The following MRPL13 variants were observed in gnomAD, a reference collection of about 807,000 sequenced individuals.
MRPL13 encodes the protein large ribosomal subunit protein uL13m.
Under a neutral mutation model 29.0 loss-of-function variants are expected in MRPL13, and 33 were observed. The observed-to-expected ratio is 1.14, with a 90% CI of 0.86 to 1.52. MRPL13 has a LOEUF of 1.52. MRPL13 is among the 40% of genes most tolerant of loss of function. MRPL13 has a pLI of 0.00. For synonymous variants in MRPL13, 77 were observed against 68.4 expected, an observed-to-expected ratio of 1.13 and a Z score of -0.62; for missense variants, 227 against 216.7, an observed-to-expected ratio of 1.05 and a Z score of -0.30.
At chr8:120,396,498 T>C (rs1000001753) in intron 6 of MRPL13, among the ~76,000 whole-genome samples, 1 of 152,188 alleles carries the variant, frequency 6.6e-6, no homozygotes, top group Non-Finnish European at 1.5e-5. Context: ...CATGGATTTA[T>C]AGTACAAATG....
intron 6 of MRPL13, among the ~76,000 whole-genome samples, chr8:120,400,638 A>G (rs911563330): frequency 6.6e-6 from 1 of 151,832 alleles, no homozygotes; most frequent in African/African-American, 2.4e-5. Flanking sequence ...ACTGAAGGAG[A>G]CAGAGACAAG....
intron 4 of MRPL13, among the ~76,000 whole-genome samples, chr8:120,421,993 A>C (rs1268489510): frequency 6.6e-6 from 1 of 151,702 alleles, no homozygotes; most frequent in East Asian, 1.9e-4. Flanking sequence ...TTTGACCTGT[A>C]AGGCTTAAAA....
At chr8:120,416,922 A>C (rs1003491555) in intron 5 of MRPL13, among the ~76,000 whole-genome samples, 1 of 152,212 alleles carries the variant, frequency 6.6e-6, no homozygotes, top group South Asian at 2.1e-4. Flanking sequence ...AAATTTCCCA[A>C]ATAGGTCTAA....
At chr8:120,422,655 A>C (rs1328374206) in intron 4 of MRPL13, among the ~76,000 whole-genome samples, 2 of 149,844 alleles carry the variant, frequency 1.3e-5, no homozygotes, top group African/African-American at 4.9e-5. Flanking sequence ...AGTAATTAAA[A>C]ATTTAGTTAA....
chr8:120,426,194 A>G (rs1001329628), intron 3 of MRPL13, among the ~76,000 whole-genome samples: 16 of 152,166 alleles, frequency 1.1e-4, no homozygotes, highest in Admixed American at 3.9e-4. Flanking sequence ...CTATTTTCCT[A>G]AACAGATGAA....
chr8:120,412,402 G>C (rs1181259314), intron 6 of MRPL13, among the ~76,000 whole-genome samples: 1 of 152,148 alleles, frequency 6.6e-6, no homozygotes, highest in Non-Finnish European at 1.5e-5. Context: ...TAAAAACTTA[G>C]TCAACACTTC....
chr8:120,410,913 T>G (rs1165108653), intron 6 of MRPL13, among the ~76,000 whole-genome samples: 3 of 152,132 alleles, frequency 2.0e-5, no homozygotes, highest in Non-Finnish European at 4.4e-5. Flanking sequence ...TAGCTGGGAT[T>G]ACAGGTGCCC....
At chr8:120,428,695 A>G (rs1034457569) in intron 3 of MRPL13, among the ~76,000 whole-genome samples, 1 of 152,236 alleles carries the variant, frequency 6.6e-6, no homozygotes, top group African/African-American at 2.4e-5. Flanking sequence ...TACCCTTTCC[A>G]AAAGAAGACG....
In MRPL13 at chr8:120,402,964, A is replaced by T. The variant is rs55752091; in HGVS notation, c.516-6839T>A. On this transcript the variant is annotated intron_variant, in intron 6 of 6. Coordinates refer to ENST00000306185, the MANE Select transcript of MRPL13 (RefSeq NM_014078.6). The stretch of plus-strand genomic sequence containing the variant: ...CACAACTGAGATACCATCTCATGCC[A>T]GTCAGAATGGAAATTATTAAAAAGT... Among the ~76,000 whole-genome samples, 708 of 152,330 alleles carry T rather than the reference A, an allele frequency of 4.6e-3. 8 individuals carry two copies. Among genetic ancestry groups the T allele is most frequent in the Middle Eastern group, 0.01 (3 of 294 alleles).
At chr8:120,433,617 T>C (rs1447913421) in intron 2 of MRPL13, among the ~76,000 whole-genome samples, 5 of 152,092 alleles carry the variant, frequency 3.3e-5, no homozygotes, top group Admixed American at 6.6e-5. Context: ...AGTTCTAAGG[T>C]ATCACATCTA....
At chr8:120,425,801 C>T (rs942235231) in intron 3 of MRPL13, among the ~76,000 whole-genome samples, 16 of 152,116 alleles carry the variant, frequency 1.1e-4, no homozygotes, top group Admixed American at 6.6e-4. Context: ...ATACTCTAGA[C>T]AGCCAGTAAT....
chr8:120,396,283 T>C (rs969900114), intron 6 of MRPL13, among the ~76,000 whole-genome samples, 158 bp from the exon 7 acceptor site: 1 of 152,078 alleles, frequency 6.6e-6, no homozygotes, highest in African/African-American at 2.4e-5. Flanking sequence ...AACATTAACA[T>C]CAAATCTTTA....
chr8:120,439,393 T>C lies in MRPL13; in HGVS notation c.151+3792A>G, dbSNP rs1586929055. 2.0e-5 allele frequency among the ~76,000 whole-genome samples: 3 copies of C among 152,234 alleles called. No individual in the cohort carries two copies. In the East Asian group the frequency reaches 5.8e-4, roughly 29 times the overall value. ...TGTGTGTTAGATAAGCTTGTTATTA[T>C]ACTGCTGTTGGTCACAAGTTCAGTG... On this transcript the variant is annotated intron_variant, in intron 2 of 6. Transcript: ENST00000306185.
At chr8:120,419,962 A>G in intron 4 of MRPL13, 24 bp from the exon 5 acceptor site, 1 of 1,469,020 alleles carries the variant, frequency 6.8e-7, no homozygotes, top group Non-Finnish European at 9.2e-7. Flanking sequence ...ATAGGACACA[A>G]TAAGAAAATT....
intron 5 of MRPL13, chr8:120,415,519 T>C (rs951133468): frequency 1.3e-5 from 2 of 152,170 alleles, no homozygotes; most frequent in African/African-American, 4.8e-5. Context: ...AGCTCTACTG[T>C]CCTGTAAGCT....
chr8:120,422,532 T>A (rs532135344), intron 4 of MRPL13, among the ~76,000 whole-genome samples: 1 of 149,624 alleles, frequency 6.7e-6, no homozygotes, highest in South Asian at 2.1e-4. Context: ...GTTAAGACTT[T>A]ATGTTTCTGA....
In MRPL13 at chr8:120,412,862, C is replaced by T. The variant is rs183160245; in HGVS notation, c.515+1129G>A. Among the ~76,000 whole-genome samples the T allele has an allele frequency of 3.9e-5, 6 of 152,206 alleles. No homozygotes were observed. In the East Asian group the frequency reaches 1.2e-3, roughly 29 times the overall value. On this transcript the variant is annotated intron_variant, in intron 6 of 6. Coordinates refer to ENST00000306185, the MANE Select transcript of MRPL13 (RefSeq NM_014078.6). Reference sequence around the variant, plus strand: ...CACTCAGGCTTGAATCCTTAATATACCATTTATAACTATGTGATATTAGTC... The same window carrying T: ...CACTCAGGCTTGAATCCTTAATATATCATTTATAACTATGTGATATTAGTC...
intron 2 of MRPL13, among the ~76,000 whole-genome samples, chr8:120,434,982 C>T (rs995311252): frequency 6.6e-6 from 1 of 152,124 alleles, no homozygotes; most frequent in African/African-American, 2.4e-5. Flanking sequence ...TTACAAAAAT[C>T]CCTAGTGTTC....
chr8:120,405,490 A>C (rs921507063), intron 6 of MRPL13, among the ~76,000 whole-genome samples: 3 of 152,222 alleles, frequency 2.0e-5, no homozygotes, highest in African/African-American at 7.2e-5. Flanking sequence ...CACTTGATGC[A>C]TTGCTGGTTT....
Sources: gnomAD v4.1 joint callset for allele counts (sites outside exome capture counted in the v4.1 genomes callset) on GRCh38, gnomAD v4.1.1 for gene constraint, MANE v1.5 for transcripts, NCBI Gene and HGNC (gene_info 2026-07-23, HGNC 2026-07-21) for gene names.